The following FOXP2 variants were observed in gnomAD, a reference collection of about 807,000 sequenced individuals.
FOXP2 encodes forkhead box protein P2.
FOXP2 carries 12 observed loss-of-function variants against 115.8 expected under a neutral mutation model. The ratio of observed to expected loss-of-function variants is 0.10; its 90% CI spans 0.07 to 0.17. The LOEUF (loss-of-function observed/expected upper bound fraction) is 0.17, where lower values mean the gene tolerates loss of function less well. FOXP2 is among the 10% of genes least tolerant of loss of function. FOXP2 has a pLI of 1.00. For synonymous variants in FOXP2, 328 were observed against 297.7 expected (o/e 1.10, Z -1.05); for missense variants, 629 against 843.5 (o/e 0.75, Z 3.15).
At chr7:114,224,760 C>A (rs1162125462) in intron 1 of FOXP2, among the ~76,000 whole-genome samples, 2 of 152,004 alleles carry the variant, frequency 1.3e-5, no homozygotes, top group Non-Finnish European at 2.9e-5. Context: ...CTCAAGAGAA[C>A]CTCTGGCCTC....
At chr7:114,287,970 T>G (rs1796507241) in intron 1 of FOXP2, 1 of 407,134 alleles carries the variant, frequency 2.5e-6, no homozygotes, top group African/African-American at 2.1e-5. Context: ...GTGATGTAAA[T>G]TTAAATTTAA....
intron 1 of FOXP2, among the ~76,000 whole-genome samples, chr7:114,426,272 G>A (rs1348440963): frequency 6.6e-6 from 1 of 151,544 alleles, no homozygotes; most frequent in Non-Finnish European, 1.5e-5. Context: ...TGTTACTTTG[G>A]CTGTTAAATG....
chr7:114,147,547 G>A (rs888406889), intron 1 of FOXP2, among the ~76,000 whole-genome samples: 36 of 151,968 alleles, frequency 2.4e-4, no homozygotes, highest in African/African-American at 8.5e-4. Flanking sequence ...GCACCAAAAG[G>A]CTCCTCCAAA....
At chr7:114,469,906 G>C (rs936731068) in intron 2 of FOXP2, among the ~76,000 whole-genome samples, 2 of 152,052 alleles carry the variant, frequency 1.3e-5, no homozygotes, top group Non-Finnish European at 2.9e-5. Flanking sequence ...TTTTGGTTTT[G>C]AAAGCAGATA....
At chr7:114,435,005 A>G (rs1794276463) in intron 2 of FOXP2, among the ~76,000 whole-genome samples, 1 of 152,076 alleles carries the variant, frequency 6.6e-6, no homozygotes, top group Admixed American at 6.6e-5. Context: ...TTATTGCAAA[A>G]CTCTGCTCAA....
rs779521962 is a variant in FOXP2 at position 114,661,921 on chromosome 7, A to G, written c.1648-144A>G. 6.1e-5 allele frequency: 62 copies of G among 1,019,288 alleles called. No individual in the cohort carries two copies. The Middle Eastern group carries it at 1.2e-3, about 19-fold the overall frequency. 63.1% of individuals were successfully genotyped at this position (1,019,288 alleles called of 1,614,324 possible). ...GTAATTTGTAAGTTTGAGGTTTGTA[A>G]TATCATGCCATATTTTGATTTTAAT... is the stretch of plus-strand genomic sequence containing the variant. On this transcript the variant is annotated intron_variant, in intron 13 of 16. Transcript: ENST00000350908.
chr7:114,238,825 T>C (rs2129167204), intron 1 of FOXP2, among the ~76,000 whole-genome samples: 1 of 151,832 alleles, frequency 6.6e-6, no homozygotes, highest in East Asian at 1.9e-4. Flanking sequence ...GTAACCTCTG[T>C]AATAATATAT....
At chr7:114,233,469 T>G (rs997343611) in intron 1 of FOXP2, among the ~76,000 whole-genome samples, 1 of 152,200 alleles carries the variant, frequency 6.6e-6, no homozygotes, top group African/African-American at 2.4e-5. Flanking sequence ...AACAAAAGTT[T>G]GACATCATTG....
At chr7:114,445,445 C>G (rs114309742) in intron 2 of FOXP2, among the ~76,000 whole-genome samples, 1 of 152,054 alleles carries the variant, frequency 6.6e-6, no homozygotes, top group East Asian at 1.9e-4. Flanking sequence ...AATTCATTTC[C>G]TTTTATGTCT....
At chr7:114,533,078 T>C (rs1799216479) in intron 2 of FOXP2, among the ~76,000 whole-genome samples, 1 of 152,006 alleles carries the variant, frequency 6.6e-6, no homozygotes, top group African/African-American at 2.4e-5. Flanking sequence ...TAGAAATATT[T>C]ACGTTAATTT....
chr7:114,361,819 G>A (rs1358755205), intron 2 of FOXP2, among the ~76,000 whole-genome samples: 5 of 152,060 alleles, frequency 3.3e-5, no homozygotes, highest in African/African-American at 7.2e-5. Context: ...CTTATGGAAT[G>A]CATTTTTTCC....
chr7:114,451,623 T>A (rs950927673), intron 2 of FOXP2, among the ~76,000 whole-genome samples: 1 of 152,082 alleles, frequency 6.6e-6, no homozygotes, highest in African/African-American at 2.4e-5. Flanking sequence ...GAAAATATAG[T>A]GCTTGCCCGC....
In FOXP2 at chr7:114,321,455, C is replaced by T. The variant is rs113961075; in HGVS notation, c.-11+33346C>T. On this transcript the variant is annotated intron_variant, in intron 2 of 17. Coordinates refer to the FOXP2 transcript ENST00000634411. ...CCTCGTGGTCTGCCTGCCTCAGCCT[C>T]CCAAAGTGCTGGGATTACAGGTGTG... Among the ~76,000 whole-genome samples, 225 of 152,162 alleles carry T rather than the reference C, an allele frequency of 1.5e-3. 2 individuals carry two copies. The highest frequency in any genetic ancestry group is 5.1e-3 in the African/African-American group (211 of 41,506).
intron 16 of FOXP2, chr7:114,665,600 A>G (rs1019208197): frequency 1.1e-4 from 17 of 152,036 alleles, no homozygotes; most frequent in Admixed American, 3.3e-4. Context: ...CTTTTACTCT[A>G]TCACCTTTGC....
chr7:114,191,292 G>T (rs1218722929), intron 1 of FOXP2, among the ~76,000 whole-genome samples: 2 of 152,096 alleles, frequency 1.3e-5, no homozygotes, highest in Non-Finnish European at 2.9e-5. Context: ...AGAAATGTGT[G>T]ATGTATCTAG....
intron 3 of FOXP2, among the ~76,000 whole-genome samples, chr7:114,564,446 CT>C (rs577524342): frequency 8.4e-4 from 128 of 152,196 alleles, no homozygotes; most frequent in Middle Eastern, 3.4e-3. Context: ...AAAAAGTATT[CT>C]TATTTTTATT....
At chr7:114,210,239 G>A (rs370933268) in intron 1 of FOXP2, among the ~76,000 whole-genome samples, 74 of 152,100 alleles carry the variant, frequency 4.9e-4, no homozygotes, top group African/African-American at 1.7e-3. Context: ...AAGTGTTTTT[G>A]CATCGATTCT....
At chr7:114,593,537 C>T (rs1429168286) in intron 3 of FOXP2, among the ~76,000 whole-genome samples, 1 of 151,960 alleles carries the variant, frequency 6.6e-6, no homozygotes, top group Non-Finnish European at 1.5e-5. Flanking sequence ...TTTTAATTTG[C>T]ATTTTCTTGA....
intron 1 of FOXP2, among the ~76,000 whole-genome samples, chr7:114,145,805 A>G (rs1792355786): frequency 6.6e-6 from 1 of 152,114 alleles, no homozygotes; most frequent in Non-Finnish European, 1.5e-5. Flanking sequence ...ATTTTCGCAA[A>G]TTTTACTGTT....
Sources: allele counts gnomAD v4.1 joint callset (sites outside exome capture counted in the v4.1 genomes callset), GRCh38; gene constraint gnomAD v4.1.1; transcripts MANE v1.5; gene names NCBI Gene and HGNC (gene_info 2026-07-23, HGNC 2026-07-21).